The following ARHGEF10L variants were observed in gnomAD, a reference collection of about 807,000 sequenced individuals.
The protein encoded by ARHGEF10L is rho guanine nucleotide exchange factor 10-like protein.
A neutral mutation model predicts 141.2 loss-of-function variants in ARHGEF10L; 69 were observed. That is an observed-to-expected ratio of 0.49 (90% CI 0.40 to 0.60). The LOEUF is 0.60. ARHGEF10L is among the 20% of genes least tolerant of loss of function. The pLI, the probability that ARHGEF10L is intolerant of heterozygous loss-of-function variation, is 0.00. For missense variants in ARHGEF10L, 1,482 were observed against 1,734.3 expected, an observed-to-expected ratio of 0.85 and a Z score of 2.58; for synonymous variants, 711 against 718.5, an observed-to-expected ratio of 0.99 and a Z score of 0.17.
At chr1:17,687,182 C>T (rs530570258) in intron 26 of ARHGEF10L, among the ~76,000 whole-genome samples, 18 of 152,246 alleles carry the variant, frequency 1.2e-4, no homozygotes, top group African/African-American at 4.1e-4. Context: ...CTTTCCCTTC[C>T]GTAAGGTAAA....
intron 22 of ARHGEF10L, among the ~76,000 whole-genome samples, chr1:17,648,996 T>C (rs571073413): frequency 6.6e-6 from 1 of 152,340 alleles, no homozygotes; most frequent in South Asian, 2.1e-4. Context: ...CCAGCCACTG[T>C]GGGTTGGGTG....
chr1:17,646,964 G>A (rs1171910268), intron 21 of ARHGEF10L, among the ~76,000 whole-genome samples: 3 of 151,968 alleles, frequency 2.0e-5, no homozygotes, highest in Admixed American at 6.6e-5. Flanking sequence ...GCGAGGCCAG[G>A]TGTAAGTTTT....
intron 1 of ARHGEF10L, among the ~76,000 whole-genome samples, chr1:17,554,447 CAT>C (rs1263586310): frequency 6.6e-6 from 1 of 152,004 alleles, no homozygotes; most frequent in Non-Finnish European, 1.5e-5. Flanking sequence ...CTAGTCCACA[CAT>C]AGGACATCTC....
intron 4 of ARHGEF10L, 147 bp downstream of exon 4, chr1:17,588,626 G>C (rs2079236297): frequency 1.0e-6 from 1 of 988,418 alleles, no homozygotes; most frequent in Non-Finnish European, 1.5e-6. Context: ...TGTGCCCTGG[G>C]GGAAGAGGTC....
At chr1:17,551,585 G>A (rs1267915474) in intron 1 of ARHGEF10L, among the ~76,000 whole-genome samples, 1 of 152,120 alleles carries the variant, frequency 6.6e-6, no homozygotes. Context: ...GGGGATGACG[G>A]GATTAGAACT....
intron 27 of ARHGEF10L, 68 bp from the exon 28 acceptor site, chr1:17,695,090 G>A (rs184850370): frequency 1.0e-4 from 160 of 1,604,904 alleles, no homozygotes; most frequent in South Asian, 9.8e-4. Flanking sequence ...CCCTCATCTC[G>A]TGGTGGTACC....
intron 1 of ARHGEF10L, among the ~76,000 whole-genome samples, chr1:17,543,804 C>A (rs181113995): frequency 1.3e-5 from 2 of 151,636 alleles, no homozygotes; most frequent in African/African-American, 4.8e-5. Context: ...CCTGCCACCA[C>A]GCCCAGCTAA....
chr1:17,519,096 A>C, the ARHGEF10L span, among the ~76,000 whole-genome samples: 13 of 151,598 alleles, frequency 8.6e-5, no homozygotes, highest in African/African-American at 3.2e-4. Flanking sequence ...AATCGCTTGA[A>C]CCTGGGAGGC....
At chr1:17,556,298 C>G (rs563572488) in intron 1 of ARHGEF10L, among the ~76,000 whole-genome samples, 172 of 5,034 alleles carry the variant, frequency 0.034, 1 homozygote, top group African/African-American at 0.097. Context: ...GAGCACAGGG[C>G]GGGCCTGGGA....
chr1:17,528,440 C>G, the ARHGEF10L span, among the ~76,000 whole-genome samples: 1 of 151,914 alleles, frequency 6.6e-6, no homozygotes, highest in African/African-American at 2.4e-5. Flanking sequence ...TGGTCTTGAA[C>G]TCCTGGGCCC....
intron 27 of ARHGEF10L, among the ~76,000 whole-genome samples, chr1:17,692,665 C>T (rs1018740888): frequency 3.9e-5 from 6 of 152,210 alleles, no homozygotes; most frequent in African/African-American, 7.2e-5. Context: ...CTTGCTCCTC[C>T]CACTCCCACC....
chr1:17,670,854 C>T (rs1357122732), intron 26 of ARHGEF10L, among the ~76,000 whole-genome samples: 1 of 152,224 alleles, frequency 6.6e-6, no homozygotes, highest in Non-Finnish European at 1.5e-5. Context: ...AGGCCTTCAC[C>T]TCTGTTGTTC....
Position 17,621,550 on chromosome 1 carries a change from G to A in ARHGEF10L, c.943-314G>A, listed in dbSNP as rs2060108693. 6.6e-6 allele frequency among the ~76,000 whole-genome samples: 1 copy of A among 152,188 alleles called. No individual in the cohort carries two copies. Among genetic ancestry groups the A allele is most frequent in the South Asian group, 2.1e-4 (1 of 4,836 alleles). ...GCCTGGCCTAGGATTTTCTATTAGA[G>A]TTGTCCAAAGATGGAGGTGGTCACC... On this transcript the variant is annotated intron_variant, in intron 10 of 28. Transcript: ENST00000361221. This position sits in a 1 kb window ranked among gnomAD's most constrained non-coding sequence, Gnocchi z 4.1.
chr1:17,574,792 G>A (rs546507301), intron 1 of ARHGEF10L, among the ~76,000 whole-genome samples: 16 of 152,248 alleles, frequency 1.1e-4, no homozygotes, highest in South Asian at 2.1e-4. Context: ...TTGCTGCCCT[G>A]CGTGGGGGAG....
intron 1 of ARHGEF10L, among the ~76,000 whole-genome samples, chr1:17,574,894 C>T (rs1446107247): frequency 6.6e-6 from 1 of 152,184 alleles, no homozygotes; most frequent in Non-Finnish European, 1.5e-5. Context: ...CCTTCCGGGC[C>T]CCGGGCTTTC....
chr1:17,688,035 G>A (rs1332913393), intron 27 of ARHGEF10L, among the ~76,000 whole-genome samples: 1 of 152,192 alleles, frequency 6.6e-6, no homozygotes, highest in Non-Finnish European at 1.5e-5. Flanking sequence ...AGCTGCTAAG[G>A]AAAGGCCAAG....
At chr1:17,634,360 C>A in intron 16 of ARHGEF10L, 188 bp from the exon 17 acceptor site, 2 of 859,334 alleles carry the variant, frequency 2.3e-6, no homozygotes, top group Non-Finnish European at 3.8e-6. Context: ...GTTGTGAGAC[C>A]CAGAGATGAA....
At position 17,587,512 on chromosome 1, in the gene ARHGEF10L, C is replaced by T. The variant is rs759820640; in HGVS notation, c.90C>T (p.Asp30=). 6.2e-7 allele frequency: 1 copy of T among 1,614,038 alleles called. No homozygotes were observed. Among genetic ancestry groups the T allele is most frequent in the African/African-American group, 1.3e-5 (1 of 74,930 alleles). ...GCCCCTCCTCTGAGGCAGAGGACGA[C>T]CCAGGAGAGGCGTTTGAGTTTGATG... ...VPGPSSEAED[D]PGEAFEFDDS... Residue 30 remains aspartate, a synonymous_variant, in exon 3 of 29, where the codon GAC becomes GAT. Coordinates refer to ENST00000361221, the MANE Select transcript of ARHGEF10L (RefSeq NM_018125.4).
the ARHGEF10L span, among the ~76,000 whole-genome samples, chr1:17,531,998 AC>A: frequency 6.6e-6 from 1 of 151,456 alleles, no homozygotes; most frequent in African/African-American, 2.4e-5. Flanking sequence ...GGAGCTGAGC[AC>A]CCCCCACCAC....
Sources: gnomAD v4.1 joint callset for allele counts (sites outside exome capture counted in the v4.1 genomes callset) on GRCh38, gnomAD v4.1.1 for gene constraint, Gnocchi (gnomAD v3.1) non-coding constraint, MANE v1.5 for transcripts, NCBI Gene and HGNC (gene_info 2026-07-23, HGNC 2026-07-21) for gene names.